DTWD2: variants seen among roughly 807,000 people sequenced by gnomAD.
DTWD2 encodes tRNA-uridine aminocarboxypropyltransferase 2.
In DTWD2, 39 loss-of-function variants were observed where a neutral mutation model predicts 31.8. The ratio of observed to expected loss-of-function variants is 1.22; its 90% CI spans 0.95 to 1.60. The LOEUF (loss-of-function observed/expected upper bound fraction) is 1.60. Among genes scored for constraint, DTWD2 ranks in the 40% most tolerant of loss-of-function variants. DTWD2 has a pLI of 0.00. For synonymous variants in DTWD2, 180 were observed against 142.8 expected, an observed-to-expected ratio of 1.26 and a Z score of -1.86; for missense variants, 515 against 381.5, an observed-to-expected ratio of 1.35 and a Z score of -2.92.
intron 3 of DTWD2, among the ~76,000 whole-genome samples, chr5:118,935,376 T>C (rs1339285506): frequency 1.3e-5 from 2 of 152,158 alleles, no homozygotes; most frequent in Non-Finnish European, 2.9e-5. Context: ...GACTTGCCAA[T>C]GGTGTCTGAA....
intron 4 of DTWD2, among the ~76,000 whole-genome samples, chr5:118,923,043 T>C (rs548147708): frequency 3.9e-4 from 59 of 152,326 alleles, no homozygotes; most frequent in African/African-American, 1.4e-3. Flanking sequence ...GCTTTTTTTT[T>C]TAATAGGCAA....
At chr5:118,972,761 A>G (rs1022661187) in intron 1 of DTWD2, among the ~76,000 whole-genome samples, 1 of 152,208 alleles carries the variant, frequency 6.6e-6, no homozygotes, top group Non-Finnish European at 1.5e-5. Flanking sequence ...CAGCACATCA[A>G]AAAGCTTATC....
At chr5:118,846,655 A>G (rs1370829786) in intron 5 of DTWD2, among the ~76,000 whole-genome samples, 3 of 152,166 alleles carry the variant, frequency 2.0e-5, no homozygotes. Context: ...GACACCTGTG[A>G]AAAGTGTGTA....
intron 1 of DTWD2, among the ~76,000 whole-genome samples, chr5:118,980,577 G>T (rs370677380): frequency 6.6e-6 from 1 of 152,194 alleles, no homozygotes; most frequent in South Asian, 2.1e-4. Context: ...AACATTATTA[G>T]TCAGCAAAAT....
At chr5:118,909,375 G>A (rs1430649843) in intron 4 of DTWD2, among the ~76,000 whole-genome samples, 1 of 152,208 alleles carries the variant, frequency 6.6e-6, no homozygotes, top group Admixed American at 6.5e-5. Context: ...GCTTTGCAGA[G>A]GACTCAAGAA....
chr5:118,948,097 G>C (rs1010432772), intron 1 of DTWD2, among the ~76,000 whole-genome samples: 1 of 152,146 alleles, frequency 6.6e-6, no homozygotes, highest in African/African-American at 2.4e-5. Context: ...GGGCAACATA[G>C]AGTGTTGACA....
intron 4 of DTWD2, among the ~76,000 whole-genome samples, chr5:118,870,683 G>A (rs1279076418): frequency 6.6e-6 from 1 of 152,124 alleles, no homozygotes; most frequent in African/African-American, 2.4e-5. Flanking sequence ...TCTGCTAACT[G>A]ATCAGAGTGG....
At position 118,865,466 on chromosome 5, in the gene DTWD2, CATACATATAA is replaced by C. The variant is rs1456009495; in HGVS notation, c.598-17258_598-17249del. Reference sequence around the variant, plus strand: ...TAAAAAAAAAATAAATAAAAAGAATCATACATATAAATACATACATATTTGAAAAGTGAGC... The same window carrying C: ...TAAAAAAAAAATAAATAAAAAGAATCATACATACATATTTGAAAAGTGAGC... On this transcript the variant is annotated intron_variant, in intron 4 of 5. Transcript: ENST00000510708. Among the ~76,000 whole-genome samples the C allele has an allele frequency of 2.0e-5, 3 of 151,988 alleles. No homozygotes were observed. The East Asian group carries it at 5.8e-4, about 29-fold the overall frequency.
intron 4 of DTWD2, among the ~76,000 whole-genome samples, chr5:118,904,356 T>C (rs78920469): frequency 0.022 from 3,371 of 152,222 alleles, 125 homozygotes; most frequent in African/African-American, 0.076. Context: ...CTAAGTGTAT[T>C]ATCATACTTA....
At chr5:118,966,225 T>A (rs1754846111) in intron 1 of DTWD2, among the ~76,000 whole-genome samples, 1 of 152,228 alleles carries the variant, frequency 6.6e-6, no homozygotes, top group South Asian at 2.1e-4. Flanking sequence ...TGGCCGTTTA[T>A]CATTCTGGCA....
intron 3 of DTWD2, among the ~76,000 whole-genome samples, chr5:118,929,042 T>C (rs1055066957): frequency 6.6e-6 from 1 of 152,234 alleles, no homozygotes; most frequent in Non-Finnish European, 1.5e-5. Flanking sequence ...TCCTCACTAA[T>C]ACTTCATGTG....
At chr5:118,893,906 C>A (rs1371782414) in intron 4 of DTWD2, among the ~76,000 whole-genome samples, 4 of 152,108 alleles carry the variant, frequency 2.6e-5, no homozygotes, top group African/African-American at 9.7e-5. Flanking sequence ...GACAAGGGAA[C>A]AGTTTCTATC....
intron 4 of DTWD2, among the ~76,000 whole-genome samples, chr5:118,848,681 T>C (rs1751924409): frequency 6.6e-6 from 1 of 152,024 alleles, no homozygotes; most frequent in African/African-American, 2.4e-5. Flanking sequence ...AACAGATATA[T>C]AAACCAATGA....
intron 4 of DTWD2, among the ~76,000 whole-genome samples, chr5:118,908,880 A>T (rs567803936): frequency 6.6e-6 from 1 of 152,290 alleles, no homozygotes; most frequent in African/African-American, 2.4e-5. Context: ...ACCCACAAAA[A>T]ACTATTATCC....
chr5:118,944,967 T>C (rs1754299502), intron 1 of DTWD2, among the ~76,000 whole-genome samples: 1 of 152,186 alleles, frequency 6.6e-6, no homozygotes, highest in South Asian at 2.1e-4. Context: ...CTGATTTGCA[T>C]TCCAAATCAA....
chr5:118,881,762 C>T (rs564170119), intron 4 of DTWD2, among the ~76,000 whole-genome samples: 2 of 152,090 alleles, frequency 1.3e-5, no homozygotes, highest in Admixed American at 6.5e-5. Flanking sequence ...CATCAGATCT[C>T]GTAAGAAATC....
intron 1 of DTWD2, among the ~76,000 whole-genome samples, chr5:118,980,698 C>G (rs1580455074): frequency 6.6e-6 from 1 of 152,192 alleles, no homozygotes; most frequent in South Asian, 2.1e-4. Flanking sequence ...AGCTCATACA[C>G]TGCTGGTGGG....
intron 2 of DTWD2, among the ~76,000 whole-genome samples, chr5:118,939,918 A>G (rs1055374191): frequency 6.6e-6 from 1 of 152,232 alleles, no homozygotes; most frequent in African/African-American, 2.4e-5. Flanking sequence ...TGATATAAAT[A>G]AATGACTTAA....
intron 4 of DTWD2, among the ~76,000 whole-genome samples, chr5:118,873,844 G>C (rs376927494): frequency 6.6e-6 from 1 of 152,140 alleles, no homozygotes; most frequent in African/African-American, 2.4e-5. Flanking sequence ...AACTGCAACA[G>C]AGCAGAGTCT....
Sources: allele counts gnomAD v4.1 joint callset (sites outside exome capture counted in the v4.1 genomes callset), GRCh38; gene constraint gnomAD v4.1.1; transcripts MANE v1.5; gene names NCBI Gene and HGNC (gene_info 2026-07-23, HGNC 2026-07-21).